The following KCNC4 variants were observed in gnomAD, a reference collection of about 807,000 sequenced individuals.
The protein encoded by KCNC4 is potassium voltage-gated channel subfamily C member 4.
Under a neutral mutation model 42.8 loss-of-function variants are expected in KCNC4, and 23 were observed. The ratio of observed to expected loss-of-function variants is 0.54; its 90% CI spans 0.39 to 0.76. The LOEUF (loss-of-function observed/expected upper bound fraction) is 0.76, where lower values mean the gene tolerates loss of function less well. KCNC4 is among the 30% of genes least tolerant of loss of function. The pLI, the probability that KCNC4 is intolerant of heterozygous loss-of-function variation, is 0.00. For synonymous variants in KCNC4, 422 were observed against 393.5 expected (o/e 1.07, Z -0.86); for missense variants, 751 against 898.2 (o/e 0.84, Z 2.10).
exon 4 of KCNC4, chr1:110,246,097 A>G (rs1234597923): frequency 1.3e-5 from 2 of 152,214 alleles, no homozygotes; most frequent in Non-Finnish European, 2.9e-5. Context: ...TCACTTGTCC[A>G]GTGGCTAAGC....
intron 1 of KCNC4, among the ~76,000 whole-genome samples, chr1:110,216,835 G>A (rs1009400500): frequency 6.6e-6 from 1 of 152,250 alleles, no homozygotes; most frequent in South Asian, 2.1e-4. Context: ...CCCTAGCAGG[G>A]GTCCTTATCT....
At chr1:110,231,422 G>A (rs1485652119) in intron 3 of KCNC4, among the ~76,000 whole-genome samples, 3 of 152,156 alleles carry the variant, frequency 2.0e-5, no homozygotes, top group African/African-American at 7.2e-5. Context: ...AGAGTCCATG[G>A]AAGCCAGTGG....
intron 1 of KCNC4, among the ~76,000 whole-genome samples, chr1:110,281,000 G>A (rs759896138): frequency 1.7e-4 from 26 of 152,308 alleles, no homozygotes; most frequent in Non-Finnish European, 2.8e-4. Flanking sequence ...GGACAGGACC[G>A]TGAGCATCCT....
At chr1:110,277,028 C>G (rs1234787915) in intron 1 of KCNC4, among the ~76,000 whole-genome samples, 1 of 152,244 alleles carries the variant, frequency 6.6e-6, no homozygotes, top group Non-Finnish European at 1.5e-5. Context: ...TATAAACTGT[C>G]TTCTGAAGCC....
In KCNC4 at chr1:110,211,798, CG is replaced by C. The variant is rs776568759; in HGVS notation, c.302del (p.Gly101AlafsTer46). On this transcript the variant is annotated frameshift_variant, in exon 1 of 4. Transcript: ENST00000438661. LOFTEE classifies it high-confidence loss of function. The surrounding 1 kb of genome is among the most constrained non-coding windows in gnomAD (Gnocchi z 6.5). ...GGCEFFFDRH[P>X]GVFAYVLNYY... ...TGCGAGTTCTTCTTCGACAGGCACCCGGGCGTCTTCGCCTACGTGCTCAACT... is the reference window on the plus strand; with the variant it reads ...TGCGAGTTCTTCTTCGACAGGCACCCGGCGTCTTCGCCTACGTGCTCAACT... 1 of 1,611,394 alleles carries C rather than the reference CG, an allele frequency of 6.2e-7. No individual in the cohort carries two copies. Among genetic ancestry groups the C allele is most frequent in the Non-Finnish European group, 8.5e-7 (1 of 1,179,772 alleles).
intron 1 of KCNC4, among the ~76,000 whole-genome samples, chr1:110,275,448 T>C (rs1371151782): frequency 6.6e-6 from 1 of 152,220 alleles, no homozygotes; most frequent in Non-Finnish European, 1.5e-5. Flanking sequence ...GAAAACAGTA[T>C]GGCTATTTCT....
At chr1:110,251,358 A>G (rs981976019), downstream of KCNC4, among the ~76,000 whole-genome samples, 1 of 152,174 alleles carries the variant, frequency 6.6e-6, no homozygotes, top group African/African-American at 2.4e-5. Context: ...TGTTCTCACA[A>G]TAGTGAATAC....
chr1:110,251,908 C>T (rs1485582874), downstream of KCNC4, among the ~76,000 whole-genome samples: 4 of 152,238 alleles, frequency 2.6e-5, no homozygotes, highest in South Asian at 6.2e-4. Context: ...GGTCCTTGCT[C>T]AACCAGCCTG....
At chr1:110,278,779 A>G (rs1299818151) in intron 1 of KCNC4, among the ~76,000 whole-genome samples, 3 of 152,276 alleles carry the variant, frequency 2.0e-5, no homozygotes, top group Admixed American at 2.0e-4. Context: ...CAGAACACCC[A>G]TCATCATGGA....
rs889016645 is a variant in KCNC4, at chr1:110,210,729, C to T, written c.-771C>T. 5.3e-5 allele frequency among the ~76,000 whole-genome samples: 8 copies of T among 151,486 alleles called. No homozygotes were observed. In the South Asian group the frequency reaches 8.3e-4, roughly 16 times the overall value. ...CGGCCCCCGCAGCGCTGCGCCCGGT[C>T]CGGCGCAGCTCCCAGCCGCGGACGC... On this transcript the variant is annotated 5_prime_UTR_variant, in exon 1 of 4. Transcript: ENST00000438661.
chr1:110,271,597 G>A (rs551060476), intron 1 of KCNC4, among the ~76,000 whole-genome samples: 45 of 152,188 alleles, frequency 3.0e-4, no homozygotes, highest in Non-Finnish European at 5.9e-4. Flanking sequence ...TCTGATTACA[G>A]GGGCTTAAGC....
chr1:110,224,736 C>T (rs1204176452), intron 2 of KCNC4: 1 of 152,286 alleles, frequency 6.6e-6, no homozygotes, highest in Admixed American at 6.5e-5. Context: ...TGCTTAATCC[C>T]CAGCAATGTG....
intron 1 of KCNC4, among the ~76,000 whole-genome samples, chr1:110,213,335 G>A (rs1341853427): frequency 1.3e-5 from 2 of 152,118 alleles, no homozygotes; most frequent in Non-Finnish European, 2.9e-5. Flanking sequence ...TTGGGTCTGG[G>A]GACTGCTGCT....
At chr1:110,230,561 C>T (rs1338785603) in intron 3 of KCNC4, among the ~76,000 whole-genome samples, 1 of 152,222 alleles carries the variant, frequency 6.6e-6, no homozygotes, top group Non-Finnish European at 1.5e-5. Flanking sequence ...CCACGGCACC[C>T]ACCGCCTCCT....
At chr1:110,275,430 C>T (rs759143082) in intron 1 of KCNC4, among the ~76,000 whole-genome samples, 4 of 152,136 alleles carry the variant, frequency 2.6e-5, no homozygotes. Context: ...ATTAGTACAA[C>T]CTCTATGGAA....
At chr1:110,229,448 C>G (rs1234258751) in intron 3 of KCNC4, among the ~76,000 whole-genome samples, 1 of 152,298 alleles carries the variant, frequency 6.6e-6, no homozygotes, top group Non-Finnish European at 1.5e-5. Context: ...CTGGCGGCAC[C>G]TGGTGTCCCT....
downstream of KCNC4, chr1:110,238,834 G>C (rs1156487612): frequency 6.6e-6 from 1 of 152,168 alleles, no homozygotes; most frequent in African/African-American, 2.4e-5. Context: ...TGTGAACTCT[G>C]TCCTCAGGGA....
exon 4 of KCNC4, chr1:110,239,636 CCT>C (rs1658986057): frequency 6.6e-6 from 1 of 152,180 alleles, no homozygotes; most frequent in Non-Finnish European, 1.5e-5. Context: ...TGAACTCCAT[CCT>C]CTCTTATTCC....
chr1:110,253,181 A>G (rs558553622), downstream of KCNC4, among the ~76,000 whole-genome samples: 6 of 152,322 alleles, frequency 3.9e-5, no homozygotes, highest in South Asian at 8.3e-4. Context: ...TGCTGACCCC[A>G]TGCTGATCAT....
Sources: allele counts gnomAD v4.1 joint callset (sites outside exome capture counted in the v4.1 genomes callset), GRCh38; gene constraint gnomAD v4.1.1; non-coding constraint Gnocchi (gnomAD v3.1); transcripts MANE v1.5; gene names NCBI Gene and HGNC (gene_info 2026-07-23, HGNC 2026-07-21).